ZFHX3: variants seen among roughly 807,000 people sequenced by gnomAD.
The protein encoded by ZFHX3 is zinc finger homeobox 3.
Under a neutral mutation model 279.1 loss-of-function variants are expected in ZFHX3, and 42 were observed. The observed-to-expected ratio is 0.15, with a 90% CI of 0.12 to 0.19. The LOEUF (loss-of-function observed/expected upper bound fraction) is 0.19, where lower values mean the gene tolerates loss of function less well. ZFHX3 is among the 10% of genes least tolerant of loss of function. The pLI, the probability that ZFHX3 is intolerant of heterozygous loss-of-function variation, is 1.00. For missense variants in ZFHX3, 4,981 were observed against 4,754.0 expected (o/e 1.05, Z -1.40); for synonymous variants, 2,293 against 1,957.8 (o/e 1.17, Z -4.52).
chr16:73,861,799 A>G (rs981348564), intron 1 of ZFHX3, among the ~76,000 whole-genome samples: 6 of 152,204 alleles, frequency 3.9e-5, no homozygotes, highest in African/African-American at 1.4e-4. Context: ...TTCTGTGTAC[A>G]AATTATTTGG....
rs1413777897 is a variant in ZFHX3 at position 72,798,301 on chromosome 16, G to A, written c.4381C>T (p.Gln1461Ter). ...GCCAGCAGGCCACCATAAAGCTGTT[G>A]GATGTCAGCCTCACTCAGCTCCAGG... Reference protein sequence around the residue: ...SHLELSEADIQQLYGGLLANG... With the variant: ...SHLELSEADI The change falls in exon 9 of 10, where the codon CAA becomes TAA. Residue 1461 changes from glutamine to a stop codon, truncating the protein, a stop_gained. Transcript: ENST00000268489. LOFTEE classifies it high-confidence loss of function. 1 of 1,614,198 alleles carries A rather than the reference G, an allele frequency of 6.2e-7. No individual in the cohort carries two copies. The highest frequency in any genetic ancestry group is 8.5e-7 in the Non-Finnish European group (1 of 1,180,048).
At chr16:73,130,914 G>A (rs1259249092) in intron 7 of ZFHX3, 4 of 1,282,766 alleles carry the variant, frequency 3.1e-6, no homozygotes, top group Non-Finnish European at 3.1e-6. Context: ...GGCCCAGACA[G>A]TCTTATTTTA....
intron 1 of ZFHX3, among the ~76,000 whole-genome samples, chr16:73,837,700 G>A (rs1255527729): frequency 3.3e-5 from 5 of 152,132 alleles, no homozygotes; most frequent in Admixed American, 1.3e-4. Flanking sequence ...GGGCAATGGC[G>A]CGATCTCGGC....
chr16:73,387,980 G>C (rs2016934936), intron 3 of ZFHX3, among the ~76,000 whole-genome samples: 1 of 152,058 alleles, frequency 6.6e-6, no homozygotes, highest in African/African-American at 2.4e-5. Context: ...GAATGAGTGA[G>C]AGAGGGAGAT....
At chr16:73,854,099 A>C (rs1027753480) in intron 1 of ZFHX3, among the ~76,000 whole-genome samples, 2 of 152,228 alleles carry the variant, frequency 1.3e-5, no homozygotes, top group Non-Finnish European at 2.9e-5. Context: ...TGAGTATATA[A>C]GTAGATATTT....
At chr16:73,846,149 G>A (rs188302129) in intron 1 of ZFHX3, among the ~76,000 whole-genome samples, 163 of 152,276 alleles carry the variant, frequency 1.1e-3, no homozygotes, top group African/African-American at 3.7e-3. Flanking sequence ...GTACTTGGCA[G>A]CGGTGGTTAC....
At chr16:73,000,415 C>G (rs1963449925) in intron 1 of ZFHX3, among the ~76,000 whole-genome samples, 1 of 152,198 alleles carries the variant, frequency 6.6e-6, no homozygotes, top group South Asian at 2.1e-4. Context: ...GAGGACTCTG[C>G]TTTCCATTTT....
chr16:73,507,513 T>TTTTTA (rs2019348841), intron 2 of ZFHX3, among the ~76,000 whole-genome samples: 1 of 115,968 alleles, frequency 8.6e-6, no homozygotes, highest in African/African-American at 3.9e-5. Flanking sequence ...TTTTTTTTTT[T>TTTTTA]GAGACAGGGT....
At chr16:73,536,157 G>A (rs924845503) in intron 2 of ZFHX3, among the ~76,000 whole-genome samples, 4 of 152,152 alleles carry the variant, frequency 2.6e-5, no homozygotes, top group Non-Finnish European at 2.9e-5. Context: ...AGTGCAGTCA[G>A]GCACACCGAT....
At chr16:73,695,612 T>A (rs1319041815) in intron 1 of ZFHX3, among the ~76,000 whole-genome samples, 1 of 152,180 alleles carries the variant, frequency 6.6e-6, no homozygotes, top group Non-Finnish European at 1.5e-5. Context: ...ACGTTTAGGC[T>A]CCAAACCTAG....
chr16:73,347,766 T>C lies in ZFHX3; in HGVS notation c.-1290-29430A>G, dbSNP rs543623422. ...TGTGGCTGCATCCACTGTAACCATA[T>C]GGTTTATTTACAACCAGAGCTCCAT... On this transcript the variant is annotated intron_variant, in intron 3 of 17. Coordinates refer to the ZFHX3 transcript ENST00000641206. 3.3e-5 allele frequency among the ~76,000 whole-genome samples: 5 copies of C among 152,370 alleles called. No individual in the cohort carries two copies. The East Asian group carries it at 7.7e-4, about 24-fold the overall frequency.
intron 4 of ZFHX3, among the ~76,000 whole-genome samples, chr16:73,288,014 C>T (rs760033231): frequency 6.6e-6 from 1 of 152,106 alleles, no homozygotes; most frequent in Non-Finnish European, 1.5e-5. Context: ...GGATAGAGAG[C>T]GTCCCCAGCA....
chr16:73,791,551 A>AGTAAC (rs1431915075), intron 1 of ZFHX3, among the ~76,000 whole-genome samples: 3 of 152,114 alleles, frequency 2.0e-5, no homozygotes, highest in Non-Finnish European at 4.4e-5. Flanking sequence ...CAGCCTCCTG[A>AGTAAC]GTAGCCAGGA....
chr16:72,966,065 T>C (rs1453199630), intron 1 of ZFHX3, among the ~76,000 whole-genome samples: 1 of 152,224 alleles, frequency 6.6e-6, no homozygotes, highest in Admixed American at 6.5e-5. Context: ...TATAGCCGAC[T>C]AATGATGCCA....
At chr16:73,768,120 A>T (rs2053974347) in intron 1 of ZFHX3, among the ~76,000 whole-genome samples, 1 of 152,130 alleles carries the variant, frequency 6.6e-6, no homozygotes, top group South Asian at 2.1e-4. Flanking sequence ...CTGTGGAATA[A>T]ACACCCCAAC....
intron 3 of ZFHX3, among the ~76,000 whole-genome samples, chr16:73,446,211 G>C (rs2018182603): frequency 6.6e-6 from 1 of 152,156 alleles, no homozygotes; most frequent in Non-Finnish European, 1.5e-5. Context: ...AACATGGATG[G>C]AGCTGGAGGC....
intron 1 of ZFHX3, among the ~76,000 whole-genome samples, chr16:72,999,610 T>C (rs1009509114): frequency 2.6e-5 from 4 of 152,158 alleles, no homozygotes; most frequent in African/African-American, 7.2e-5. Context: ...AGTCCAGATC[T>C]GGGCAGGATT....
rs562038960 is a variant in ZFHX3, at chr16:72,848,752, C to T, written c.3449-18893G>A. Reference sequence around the variant, plus strand: ...CATGCCTCCTCATCTCCCCATGCCACGCCCAGACCCAGGACCACTCTCTCC... The same window carrying T: ...CATGCCTCCTCATCTCCCCATGCCATGCCCAGACCCAGGACCACTCTCTCC... On this transcript the variant is annotated intron_variant, in intron 4 of 9. Coordinates refer to ENST00000268489, the MANE Select transcript of ZFHX3 (RefSeq NM_006885.4). 9.2e-5 allele frequency among the ~76,000 whole-genome samples: 14 copies of T among 151,882 alleles called. No homozygotes were observed. The South Asian group carries it at 1.2e-3, about 14-fold the overall frequency.
chr16:73,264,699 G>A (rs2013919643), intron 4 of ZFHX3, among the ~76,000 whole-genome samples: 1 of 151,942 alleles, frequency 6.6e-6, no homozygotes. Flanking sequence ...AGTATACAGT[G>A]AACCCAGTTT....
Sources: allele counts gnomAD v4.1 joint callset (sites outside exome capture counted in the v4.1 genomes callset), GRCh38; gene constraint gnomAD v4.1.1; transcripts MANE v1.5; gene names NCBI Gene and HGNC (gene_info 2026-07-23, HGNC 2026-07-21).